Variants in NELL1 observed in about 807,000 individuals in gnomAD.
NELL1 encodes neural EGFL like 1, also known as protein kinase C-binding protein NELL1.
NELL1 carries 76 observed loss-of-function variants against 107.4 expected under a neutral mutation model. The observed-to-expected ratio is 0.71, with a 90% CI of 0.59 to 0.86. The LOEUF (loss-of-function observed/expected upper bound fraction) is 0.86. NELL1 is among the 40% of genes least tolerant of loss of function. The probability of loss-of-function intolerance (pLI) is 0.00; values close to 1 mark genes in which losing one functional copy is unlikely to be tolerated. For synonymous variants in NELL1, 353 were observed against 341.2 expected (o/e 1.03, Z -0.38); for missense variants, 1,024 against 1,005.5 (o/e 1.02, Z -0.25).
chr11:20,680,006 C>T (rs574414256), intron 2 of NELL1, among the ~76,000 whole-genome samples: 14 of 152,146 alleles, frequency 9.2e-5, no homozygotes, highest in East Asian at 3.9e-4. Context: ...GTTGTCTGCC[C>T]GGCTACAACA....
At chr11:20,670,735 A>C (rs1374083710) in intron 1 of NELL1, 1 of 152,294 alleles carries the variant, frequency 6.6e-6, no homozygotes, top group Non-Finnish European at 1.5e-5. Flanking sequence ...GGGCCTGTCA[A>C]CTGGGGGGAG....
intron 3 of NELL1, among the ~76,000 whole-genome samples, chr11:20,841,710 G>T (rs4923100): frequency 6.6e-6 from 1 of 152,126 alleles, no homozygotes; most frequent in Non-Finnish European, 1.5e-5. Flanking sequence ...CAGTGAAGTT[G>T]CTCTGGTTAA....
intron 15 of NELL1, among the ~76,000 whole-genome samples, chr11:21,460,267 GTGAA>G (rs755965192): frequency 5.9e-5 from 9 of 152,096 alleles, no homozygotes; most frequent in Non-Finnish European, 1.3e-4. Flanking sequence ...GTTCAGTCCA[GTGAA>G]TGAGAGTGAC....
chr11:20,833,835 G>T (rs1464085229), intron 3 of NELL1, among the ~76,000 whole-genome samples: 2 of 152,112 alleles, frequency 1.3e-5, no homozygotes, highest in Non-Finnish European at 2.9e-5. Context: ...GAGGGATCGT[G>T]GTATGTTTGA....
At chr11:21,377,457 T>C (rs1851506320) in intron 15 of NELL1, among the ~76,000 whole-genome samples, 1 of 152,152 alleles carries the variant, frequency 6.6e-6, no homozygotes, top group South Asian at 2.1e-4. Context: ...TAGTATTTTA[T>C]TGAGAATTTT....
At chr11:20,808,998 T>G (rs188326883) in intron 3 of NELL1, among the ~76,000 whole-genome samples, 200 of 152,252 alleles carry the variant, frequency 1.3e-3, no homozygotes, top group Non-Finnish European at 2.5e-3. Flanking sequence ...AGATGCTTTT[T>G]TGTGTGTGTG....
At chr11:20,929,459 C>A (rs1850571108) in intron 9 of NELL1, among the ~76,000 whole-genome samples, 1 of 150,238 alleles carries the variant, frequency 6.7e-6, no homozygotes, top group South Asian at 2.1e-4. Context: ...TTATGGTTGG[C>A]ACACTGCACC....
chr11:21,189,385 G>A (rs764594187), intron 13 of NELL1, among the ~76,000 whole-genome samples: 2 of 151,690 alleles, frequency 1.3e-5, no homozygotes, highest in Non-Finnish European at 2.9e-5. Flanking sequence ...TAATTACCTA[G>A]TAGCTCTAGA....
At chr11:21,094,438 C>T (rs1042699715) in intron 12 of NELL1, among the ~76,000 whole-genome samples, 11 of 152,158 alleles carry the variant, frequency 7.2e-5, no homozygotes, top group Non-Finnish European at 1.2e-4. Flanking sequence ...GATGGTGTGG[C>T]GCTCTTCTCA....
intron 3 of NELL1, among the ~76,000 whole-genome samples, chr11:20,792,345 A>T (rs1210517103): frequency 6.6e-6 from 1 of 151,984 alleles, no homozygotes; most frequent in African/African-American, 2.4e-5. Context: ...TCTCCATAAT[A>T]GTGGTAAATA....
chr11:21,493,079 CA>C (rs1050120843), intron 15 of NELL1, among the ~76,000 whole-genome samples: 4 of 151,870 alleles, frequency 2.6e-5, no homozygotes, highest in African/African-American at 9.7e-5. Flanking sequence ...ATTAAAAAGA[CA>C]AAAAGCAACA....
chr11:21,117,547 A>C (rs926076014), intron 13 of NELL1, among the ~76,000 whole-genome samples: 2 of 152,070 alleles, frequency 1.3e-5, no homozygotes, highest in Non-Finnish European at 2.9e-5. Context: ...GTGAACGTCA[A>C]CTAATATATG....
In NELL1 at chr11:21,545,498, A is replaced by G. The variant is rs1490804398; in HGVS notation, c.1786+10984A>G. On this transcript the variant is annotated intron_variant, in intron 16 of 19. Transcript: ENST00000357134. ...GGTAATACACAAGGAAAAGATTAAT[A>G]CGTTCCCCTAAAAAGGTGCTTTGTA... Among the ~76,000 whole-genome samples the G allele has an allele frequency of 2.0e-5, 3 of 152,054 alleles. No homozygotes were observed. In the East Asian group the frequency reaches 5.9e-4, roughly 30 times the overall value.
At chr11:21,350,706 A>C (rs1850789247) in intron 14 of NELL1, among the ~76,000 whole-genome samples, 1 of 152,134 alleles carries the variant, frequency 6.6e-6, no homozygotes, top group African/African-American at 2.4e-5. Context: ...GGAACTGGAG[A>C]CAGAGAGTTG....
In NELL1 at chr11:21,080,545, T is replaced by C. The variant is rs566665479; in HGVS notation, c.1301-33044T>C. On this transcript the variant is annotated intron_variant, in intron 12 of 19. Coordinates refer to ENST00000357134, the MANE Select transcript of NELL1 (RefSeq NM_006157.5). ...ATCTTTCTATGCCTATATTGTATTC[T>C]TAGTGTGGCTGTGGCATGATTTATT... Among the ~76,000 whole-genome samples, 9 of 152,248 alleles carry C rather than the reference T, an allele frequency of 5.9e-5. No individual in the cohort carries two copies. In the South Asian group the frequency reaches 1.9e-3, roughly 31 times the overall value.
intron 15 of NELL1, among the ~76,000 whole-genome samples, chr11:21,416,243 G>C (rs1393643250): frequency 1.3e-5 from 2 of 152,086 alleles, no homozygotes; most frequent in African/African-American, 4.8e-5. Flanking sequence ...AGAAAAGACA[G>C]AGTTTTTAAA....
intron 12 of NELL1, among the ~76,000 whole-genome samples, chr11:20,962,886 G>C (rs1407793048): frequency 6.6e-6 from 1 of 152,166 alleles, no homozygotes; most frequent in African/African-American, 2.4e-5. Context: ...TGGAGAGAAG[G>C]ATAGCACCTA....
chr11:21,340,298 G>T (rs11026031), intron 14 of NELL1, among the ~76,000 whole-genome samples: 74,003 of 151,630 alleles, frequency 0.49, 18,493 homozygotes, highest in African/African-American at 0.61. Flanking sequence ...GACTACAGGC[G>T]CCCACCGCCA....
intron 12 of NELL1, among the ~76,000 whole-genome samples, chr11:21,047,764 A>G (rs955485865): frequency 6.6e-6 from 1 of 152,162 alleles, no homozygotes; most frequent in Non-Finnish European, 1.5e-5. Context: ...TTCAAGAATG[A>G]TAACTCACAA....
Sources: allele counts gnomAD v4.1 joint callset (sites outside exome capture counted in the v4.1 genomes callset), GRCh38; gene constraint gnomAD v4.1.1; transcripts MANE v1.5; gene names NCBI Gene and HGNC (gene_info 2026-07-23, HGNC 2026-07-21).